The following CNTLN variants were observed in gnomAD, a reference collection of about 807,000 sequenced individuals.
The protein encoded by CNTLN is centlein, also known as centlein, centrosomal protein.
In CNTLN, 212 loss-of-function variants were observed where a neutral mutation model predicts 180.0. The observed-to-expected ratio is 1.18, with a 90% confidence interval of 1.05 to 1.32. CNTLN has a LOEUF of 1.32. CNTLN is among the 40% of genes most tolerant of loss of function. The pLI, the probability that CNTLN is intolerant of heterozygous loss-of-function variation, is 0.00. For synonymous variants in CNTLN, 722 were observed against 563.1 expected, an observed-to-expected ratio of 1.28 and a Z score of -3.99; for missense variants, 2,095 against 1,610.9, an observed-to-expected ratio of 1.30 and a Z score of -5.14.
chr9:17,218,624 T>C (rs1296984506), intron 2 of CNTLN, among the ~76,000 whole-genome samples: 2 of 152,150 alleles, frequency 1.3e-5, no homozygotes, highest in African/African-American at 4.8e-5. Context: ...TTGCAAACCA[T>C]TGATATGTAT....
chr9:17,141,053 G>T (rs923824499), intron 1 of CNTLN, among the ~76,000 whole-genome samples: 1 of 152,130 alleles, frequency 6.6e-6, no homozygotes, highest in Non-Finnish European at 1.5e-5. Context: ...CTAACAATGG[G>T]TAGACACAAG....
At chr9:17,387,121 A>C (rs571802359) in intron 13 of CNTLN, among the ~76,000 whole-genome samples, 1 of 152,308 alleles carries the variant, frequency 6.6e-6, no homozygotes, top group Non-Finnish European at 1.5e-5. Context: ...AGACAAAAGA[A>C]ATGCCTAATT....
intron 5 of CNTLN, among the ~76,000 whole-genome samples, chr9:17,264,029 C>T (rs1425946522): frequency 6.2e-5 from 9 of 146,024 alleles, no homozygotes; most frequent in African/African-American, 2.4e-4. Context: ...TTTTGCTGTG[C>T]AGAAGCTCTT....
At chr9:17,516,609 T>A in the CNTLN span, among the ~76,000 whole-genome samples, 1 of 152,148 alleles carries the variant, frequency 6.6e-6, no homozygotes, top group Non-Finnish European at 1.5e-5. Context: ...TGGCCCCCCC[T>A]GGATAATATG....
chr9:17,352,402 ATATATATATATATATTT>A (rs1032492287), intron 12 of CNTLN, among the ~76,000 whole-genome samples: 13 of 59,172 alleles, frequency 2.2e-4, no homozygotes, highest in African/African-American at 7.4e-4. Flanking sequence ...ATATATATAT[ATATATATATATATATTT>A]TTTTTTTTTT....
intron 2 of CNTLN, among the ~76,000 whole-genome samples, chr9:17,202,079 A>G (rs1258356454): frequency 6.6e-6 from 1 of 152,042 alleles, no homozygotes; most frequent in Admixed American, 6.6e-5. Flanking sequence ...TTCTGTCTTA[A>G]TTTTGTTATT....
chr9:17,418,392 T>C (rs1051174492), intron 18 of CNTLN, among the ~76,000 whole-genome samples: 3 of 152,114 alleles, frequency 2.0e-5, no homozygotes, highest in African/African-American at 7.2e-5. Flanking sequence ...AGACAAATTC[T>C]CTTTAGTTAA....
At chr9:17,226,121 G>T in intron 2 of CNTLN, 82 bp from the exon 3 acceptor site, 1 of 651,894 alleles carries the variant, frequency 1.5e-6, no homozygotes. Flanking sequence ...ATATTTTAAA[G>T]TGATATTAAT....
chr9:17,187,003 T>A (rs1713292495), intron 2 of CNTLN, among the ~76,000 whole-genome samples: 1 of 152,062 alleles, frequency 6.6e-6, no homozygotes. Context: ...GATTGTTTGG[T>A]TCTTGATAAT....
At chr9:17,361,599 A>T (rs7022060) in intron 12 of CNTLN, among the ~76,000 whole-genome samples, 3 of 152,034 alleles carry the variant, frequency 2.0e-5, no homozygotes, top group Admixed American at 1.3e-4. Flanking sequence ...GCTTTTTTCC[A>T]CTGTAGATTC....
intron 18 of CNTLN, among the ~76,000 whole-genome samples, chr9:17,426,773 G>A (rs2593418): frequency 0.87 from 132,009 of 151,924 alleles, 57,628 homozygotes; most frequent in Non-Finnish European, 0.91. Context: ...TGTGTGTACA[G>A]TTTTAATTTG....
intron 12 of CNTLN, among the ~76,000 whole-genome samples, chr9:17,365,828 C>T (rs1823772434): frequency 6.6e-6 from 1 of 152,056 alleles, no homozygotes; most frequent in Admixed American, 6.6e-5. Context: ...CACCTGTAGT[C>T]CCAGCTACTT....
intron 18 of CNTLN, among the ~76,000 whole-genome samples, chr9:17,433,992 T>TA (rs1157312886): frequency 7.4e-6 from 1 of 135,132 alleles, no homozygotes; most frequent in African/African-American, 2.5e-5. Context: ...TGAATTACAT[T>TA]AATAGGTTTC....
intron 23 of CNTLN, among the ~76,000 whole-genome samples, chr9:17,468,864 T>C (rs142528572): frequency 5.3e-5 from 8 of 151,860 alleles, no homozygotes; most frequent in African/African-American, 1.9e-4. Context: ...TGTTAGTCCT[T>C]CATATTGTTC....
chr9:17,198,597 T>C (rs1822298721), intron 2 of CNTLN, among the ~76,000 whole-genome samples: 1 of 151,162 alleles, frequency 6.6e-6, no homozygotes, highest in Non-Finnish European at 1.5e-5. Flanking sequence ...GAATTTTGTA[T>C]GTTAATTTTT....
At chr9:17,262,197 C>G (rs1303747687) in intron 5 of CNTLN, among the ~76,000 whole-genome samples, 1 of 151,438 alleles carries the variant, frequency 6.6e-6, no homozygotes, top group Middle Eastern at 3.2e-3. Flanking sequence ...ACCAGGAACA[C>G]CATTTGACCC....
In CNTLN at chr9:17,251,949, T is replaced by A. The variant is rs565751850; in HGVS notation, c.849+15361T>A. Among the ~76,000 whole-genome samples the A allele has an allele frequency of 2.0e-5, 3 of 151,984 alleles. No individual in the cohort carries two copies. In the East Asian group the frequency reaches 5.8e-4, roughly 29 times the overall value. ...CACTGTATTCCCAAGCACCACGAGA[T>A]AAGGTTTTTAGCTTACAGATGTGAG... On this transcript the variant is annotated intron_variant, in intron 5 of 25. Transcript: ENST00000380647.
Position 17,484,330 on chromosome 9 carries a change from G to A in CNTLN, c.3891G>A (p.Val1297=), listed in dbSNP as rs751898496. The change falls in exon 24 of 26, where the codon GTG becomes GTA. Residue 1297 remains valine (V), a synonymous_variant. Transcript: ENST00000380647. ...AAGAGTTGCAAAATGATGTCCATGTGGTAAGGCGACAAATAAGAGAGCTTA... is the reference window on the plus strand; with the variant it reads ...AAGAGTTGCAAAATGATGTCCATGTAGTAAGGCGACAAATAAGAGAGCTTA... ...LAKELQNDVH[V]VRRQIRELKK... 1.0e-5 allele frequency: 16 copies of A among 1,607,256 alleles called. No homozygotes were observed. Among genetic ancestry groups the A allele is most frequent in the Non-Finnish European group, 1.4e-5 (16 of 1,178,110 alleles).
chr9:17,296,142 A>T (rs1030311682), intron 6 of CNTLN, among the ~76,000 whole-genome samples: 1 of 151,920 alleles, frequency 6.6e-6, no homozygotes, highest in African/African-American at 2.4e-5. Context: ...AGCTGGAACT[A>T]CAGATGTATG....
Sources: gnomAD v4.1 joint callset for allele counts (sites outside exome capture counted in the v4.1 genomes callset) on GRCh38, gnomAD v4.1.1 for gene constraint, MANE v1.5 for transcripts, NCBI Gene and HGNC (gene_info 2026-07-23, HGNC 2026-07-21) for gene names.